CFAP43: variants seen among roughly 807,000 people sequenced by gnomAD.
The protein encoded by CFAP43 is cilia and flagella associated protein 43.
CFAP43 carries 155 observed loss-of-function variants against 218.9 expected under a neutral mutation model. The observed-to-expected ratio is 0.71, with a 90% CI of 0.62 to 0.81. The LOEUF (loss-of-function observed/expected upper bound fraction) is 0.81. CFAP43 is among the 30% of genes least tolerant of loss of function. The probability of loss-of-function intolerance (pLI) is 0.00; values close to 1 mark genes in which losing one functional copy is unlikely to be tolerated. For synonymous variants in CFAP43, 645 were observed against 681.3 expected, an observed-to-expected ratio of 0.95 and a Z score of 0.83; for missense variants, 1,778 against 1,954.3, an observed-to-expected ratio of 0.91 and a Z score of 1.70.
intron 35 of CFAP43, 26 bp downstream of exon 35, chr10:104,133,594 T>G: frequency 6.3e-7 from 1 of 1,590,342 alleles, no homozygotes; most frequent in East Asian, 2.2e-5. Context: ...AAATTAAAAC[T>G]ATGTAGGGGG....
chr10:104,221,598 A>G (rs2091183168), intron 3 of CFAP43, among the ~76,000 whole-genome samples: 2 of 152,146 alleles, frequency 1.3e-5, no homozygotes, highest in African/African-American at 2.4e-5. Flanking sequence ...TGTGAGAAAC[A>G]TATTTCTGTT....
At position 104,144,564 on chromosome 10, in the gene CFAP43, G is replaced by A. The variant is rs186472471; in HGVS notation, c.3944+912C>T. ...CTTGGCAGGCTGAGGCAGGAGAAAC[G>A]CTTGAACCCGGGAGGCGGAGGTTGC... On this transcript the variant is annotated intron_variant, in intron 31 of 37. Coordinates refer to ENST00000357060, the MANE Select transcript of CFAP43 (RefSeq NM_025145.7). Among the ~76,000 whole-genome samples the A allele has an allele frequency of 1.7e-3, 265 of 152,272 alleles. 1 individual carries two copies. Among genetic ancestry groups the A allele is most frequent in the Admixed American group, 4.3e-3 (66 of 15,294 alleles).
chr10:104,212,587 G>A (rs950225735), intron 4 of CFAP43, among the ~76,000 whole-genome samples: 1 of 152,144 alleles, frequency 6.6e-6, no homozygotes, highest in Admixed American at 6.6e-5. Context: ...GGATATTTAT[G>A]AGAAATCTCT....
intron 13 of CFAP43, 43 bp downstream of exon 13, chr10:104,188,227 A>G (rs2090093527): frequency 1.9e-6 from 3 of 1,602,614 alleles, no homozygotes; most frequent in East Asian, 2.2e-5. Context: ...ACAACAATGT[A>G]TCTGGGCTCA....
intron 12 of CFAP43, among the ~76,000 whole-genome samples, chr10:104,191,067 T>C (rs910126465): frequency 6.6e-6 from 1 of 152,244 alleles, no homozygotes; most frequent in African/African-American, 2.4e-5. Flanking sequence ...ATGACTATGA[T>C]CATCTCTTGC....
In CFAP43 at chr10:104,133,713, C is replaced by T. The variant is rs1370038431; in HGVS notation, c.4503G>A (p.Glu1501=). The T allele has an allele frequency of 6.2e-7, 1 of 1,613,626 alleles. No homozygotes were observed. Among genetic ancestry groups the T allele is most frequent in the African/African-American group, 1.3e-5 (1 of 74,902 alleles). ...KDVHKRILQI[E]WEHKKMEMER... ...CCATCTCCATTTTCTTATGTTCCCA[C>T]TCAATCTGAAGTATTCTTTTGTGTA... The change falls in exon 35 of 38, where the codon GAG becomes GAA. Residue 1501 remains glutamate (E), a synonymous_variant. Transcript: ENST00000357060.
chr10:104,214,476 T>G, intron 3 of CFAP43, 50 bp from the exon 4 acceptor site: 1 of 1,408,810 alleles, frequency 7.1e-7, no homozygotes. Context: ...GAATTTCATG[T>G]ATTTAGAACA....
At chr10:104,165,829 A>G (rs2089124010) in intron 23 of CFAP43, among the ~76,000 whole-genome samples, 1 of 152,196 alleles carries the variant, frequency 6.6e-6, no homozygotes, top group African/African-American at 2.4e-5. Context: ...TTGATCTTAC[A>G]GGGAAATCCT....
chr10:104,198,487 G>A (rs1292322434), intron 8 of CFAP43, among the ~76,000 whole-genome samples: 1 of 151,900 alleles, frequency 6.6e-6, no homozygotes, highest in East Asian at 1.9e-4. Context: ...CAACATGTTG[G>A]TCAGGCTGGT....
chr10:104,158,017 A>C (rs958559232), intron 27 of CFAP43, among the ~76,000 whole-genome samples: 3 of 152,164 alleles, frequency 2.0e-5, no homozygotes, highest in Non-Finnish European at 4.4e-5. Flanking sequence ...CAACTTGAAG[A>C]AGCTCCGAAC....
intron 7 of CFAP43, among the ~76,000 whole-genome samples, chr10:104,205,038 C>A (rs1478769350): frequency 6.6e-6 from 1 of 151,826 alleles, no homozygotes; most frequent in Non-Finnish European, 1.5e-5. Flanking sequence ...CACGGTGAAA[C>A]CCCGTCTCTA....
At chr10:104,131,113 C>T (rs1446895357) in intron 37 of CFAP43, among the ~76,000 whole-genome samples, 6 of 151,424 alleles carry the variant, frequency 4.0e-5, no homozygotes, top group Non-Finnish European at 5.9e-5. Flanking sequence ...ACCTGTGTGA[C>T]GGAATCATTC....
intron 21 of CFAP43, among the ~76,000 whole-genome samples, chr10:104,168,316 T>C (rs1434270062): frequency 6.6e-6 from 1 of 152,188 alleles, no homozygotes; most frequent in Non-Finnish European, 1.5e-5. Context: ...CTGAGACTTT[T>C]GGTCACCCTA....
intron 5 of CFAP43, among the ~76,000 whole-genome samples, chr10:104,209,966 A>AT (rs962392421): frequency 2.0e-5 from 3 of 151,864 alleles, no homozygotes; most frequent in Admixed American, 6.6e-5. Flanking sequence ...CCCCCTGTAA[A>AT]TTTTTTCTTT....
intron 6 of CFAP43, among the ~76,000 whole-genome samples, chr10:104,206,903 G>GGA (rs2090708340): frequency 2.0e-5 from 3 of 152,298 alleles, no homozygotes; most frequent in Admixed American, 6.5e-5. Context: ...GCAGGGTGTG[G>GGA]TGGCTCCTGC....
intron 20 of CFAP43, among the ~76,000 whole-genome samples, chr10:104,171,654 G>C (rs1436958042): frequency 6.6e-6 from 1 of 152,168 alleles, no homozygotes; most frequent in Non-Finnish European, 1.5e-5. Flanking sequence ...GAAAGAGGTA[G>C]CTTCAGAATA....
intron 31 of CFAP43, among the ~76,000 whole-genome samples, chr10:104,144,313 A>G (rs2087849759): frequency 6.6e-6 from 1 of 152,200 alleles, no homozygotes; most frequent in Admixed American, 6.5e-5. Flanking sequence ...TTTTTCCACA[A>G]GGAGAAGGTA....
chr10:104,220,161 G>A lies in CFAP43; in HGVS notation c.416+5300C>T, dbSNP rs947651287. Among the ~76,000 whole-genome samples the A allele has an allele frequency of 5.9e-5, 9 of 152,232 alleles. 1 individual carries two copies. ...AAGCAGAGATCTGGGTGATGTGTCT[G>A]TAAGCCAAGGACTGCCAGCAAACAA... is the stretch of plus-strand genomic sequence containing the variant. On this transcript the variant is annotated intron_variant, in intron 3 of 37. Transcript: ENST00000357060.
intron 26 of CFAP43, among the ~76,000 whole-genome samples, chr10:104,161,615 T>A (rs2088876882): frequency 1.3e-5 from 2 of 152,176 alleles, no homozygotes; most frequent in South Asian, 4.1e-4. Flanking sequence ...TTCAAATTTA[T>A]TATCTGTCTA....
Sources: gnomAD v4.1 joint callset for allele counts (sites outside exome capture counted in the v4.1 genomes callset) on GRCh38, gnomAD v4.1.1 for gene constraint, MANE v1.5 for transcripts, NCBI Gene and HGNC (gene_info 2026-07-23, HGNC 2026-07-21) for gene names.